The following TMTC1 variants were observed in gnomAD, a reference collection of about 807,000 sequenced individuals.
The protein encoded by TMTC1 is protein O-mannosyl-transferase TMTC1.
A neutral mutation model predicts 104.8 loss-of-function variants in TMTC1; 73 were observed. That is an observed-to-expected ratio of 0.70 (90% confidence interval 0.58 to 0.85). The LOEUF is 0.85. TMTC1 is among the 40% of genes least tolerant of loss of function. The pLI, the probability that TMTC1 is intolerant of heterozygous loss-of-function variation, is 0.00. For synonymous variants in TMTC1, 434 were observed against 428.7 expected, an observed-to-expected ratio of 1.01 and a Z score of -0.15; for missense variants, 1,035 against 1,096.1, an observed-to-expected ratio of 0.94 and a Z score of 0.79.
intron 10 of TMTC1, among the ~76,000 whole-genome samples, chr12:29,537,492 T>C (rs531835273): frequency 2.4e-4 from 36 of 152,310 alleles, no homozygotes; most frequent in African/African-American, 8.2e-4. Flanking sequence ...TCATACCATA[T>C]CTGCTGATTC....
chr12:29,513,175 C>T (rs900029950), intron 16 of TMTC1, among the ~76,000 whole-genome samples: 2 of 152,112 alleles, frequency 1.3e-5, no homozygotes, highest in Non-Finnish European at 2.9e-5. Context: ...CAAGATATGA[C>T]CTTTAAGCCT....
intron 5 of TMTC1, among the ~76,000 whole-genome samples, chr12:29,668,304 A>G (rs2136669704): frequency 6.6e-6 from 1 of 152,274 alleles, no homozygotes; most frequent in South Asian, 2.1e-4. Flanking sequence ...GCAGAAAAGC[A>G]AGAGACATAA....
At chr12:29,741,835 C>T (rs973294175) in intron 5 of TMTC1, among the ~76,000 whole-genome samples, 6 of 152,148 alleles carry the variant, frequency 3.9e-5, no homozygotes, top group South Asian at 2.1e-4. Context: ...CACCCAATTT[C>T]GACTTATCTG....
chr12:29,652,579 CAG>C (rs1781561737), intron 5 of TMTC1, among the ~76,000 whole-genome samples: 1 of 152,212 alleles, frequency 6.6e-6, no homozygotes, highest in Non-Finnish European at 1.5e-5. Context: ...CCTATGACAG[CAG>C]AGTCAATCAT....
intron 5 of TMTC1, among the ~76,000 whole-genome samples, chr12:29,680,852 C>G (rs1727057394): frequency 6.6e-6 from 1 of 152,148 alleles, no homozygotes; most frequent in Non-Finnish European, 1.5e-5. Flanking sequence ...GATCCCAGCA[C>G]TTTGGGAGGC....
At chr12:29,663,400 G>A (rs996466786) in intron 5 of TMTC1, among the ~76,000 whole-genome samples, 2 of 152,132 alleles carry the variant, frequency 1.3e-5, no homozygotes, top group African/African-American at 2.4e-5. Flanking sequence ...TTCTGGAAAC[G>A]TCCTTCCTCA....
At chr12:29,676,201 C>T (rs564089071) in intron 5 of TMTC1, among the ~76,000 whole-genome samples, 10 of 152,286 alleles carry the variant, frequency 6.6e-5, no homozygotes, top group South Asian at 2.1e-4. Flanking sequence ...TACACTGCTA[C>T]GTGTGTCAGA....
intron 5 of TMTC1, among the ~76,000 whole-genome samples, chr12:29,736,204 A>G (rs1942668514): frequency 6.6e-6 from 1 of 151,516 alleles, no homozygotes; most frequent in African/African-American, 2.4e-5. Flanking sequence ...AATGGGACCA[A>G]AGGCTATGTT....
Position 29,686,560 on chromosome 12 carries a change from C to T in TMTC1, c.939-53224G>A, listed in dbSNP as rs563743594. 9.9e-5 allele frequency among the ~76,000 whole-genome samples: 15 copies of T among 152,250 alleles called. 1 individual carries two copies. Among genetic ancestry groups the T allele is most frequent in the African/African-American group, 3.6e-4 (15 of 41,546 alleles). On this transcript the variant is annotated intron_variant, in intron 5 of 17. Transcript: ENST00000539277. ...GAGCTGATGCTGGGAAGAGATGCAT[C>T]CAGCCTGGCTCCCTGAGCCAGTAGG... is the stretch of plus-strand genomic sequence containing the variant.
At chr12:29,544,961 G>C (rs947275812) in intron 10 of TMTC1, among the ~76,000 whole-genome samples, 3 of 152,138 alleles carry the variant, frequency 2.0e-5, no homozygotes, top group African/African-American at 7.2e-5. Flanking sequence ...AGAGAAATGT[G>C]CTTATTATTA....
intron 6 of TMTC1, among the ~76,000 whole-genome samples, chr12:29,627,651 T>C (rs964025997): frequency 6.9e-5 from 10 of 145,482 alleles, no homozygotes; most frequent in Admixed American, 1.4e-4. Flanking sequence ...AAGAAACTTG[T>C]ACACAAATAT....
At chr12:29,704,132 A>G (rs1941677088) in intron 5 of TMTC1, among the ~76,000 whole-genome samples, 2 of 152,226 alleles carry the variant, frequency 1.3e-5, no homozygotes, top group South Asian at 2.1e-4. Context: ...GGTACCTGAT[A>G]TGAACTAAAA....
intron 6 of TMTC1, among the ~76,000 whole-genome samples, chr12:29,625,267 A>T (rs1937918343): frequency 1.3e-5 from 2 of 152,212 alleles, no homozygotes; most frequent in Admixed American, 1.3e-4. Context: ...CAAAGCCCTT[A>T]CCATCATGTC....
intron 11 of TMTC1, among the ~76,000 whole-genome samples, chr12:29,521,296 TGAAG>T (rs1235152482): frequency 6.6e-6 from 1 of 152,198 alleles, no homozygotes; most frequent in Non-Finnish European, 1.5e-5. Context: ...TTTCATTACT[TGAAG>T]TATGTCTACA....
At chr12:29,606,023 T>C (rs1215803624) in intron 6 of TMTC1, among the ~76,000 whole-genome samples, 4 of 152,230 alleles carry the variant, frequency 2.6e-5, no homozygotes. Context: ...GCCTCCATGT[T>C]GCAGCAAAAG....
At chr12:29,608,422 C>G (rs983217458) in intron 6 of TMTC1, among the ~76,000 whole-genome samples, 1 of 152,198 alleles carries the variant, frequency 6.6e-6, no homozygotes, top group Non-Finnish European at 1.5e-5. Context: ...TGGAAATTCA[C>G]TTATTCCCAA....
rs71045821 is a variant in TMTC1, at chr12:29,616,669, CAAAAAA to C, written c.1129-12376_1129-12371del. Among the ~76,000 whole-genome samples the C allele has an allele frequency of 2.6e-4, 21 of 79,816 alleles. 1 individual carries two copies. In the Admixed American group the frequency reaches 2.9e-3, roughly 11 times the overall value. The allele number at this position is 79,816 out of a possible 152,430, so 52.4% of individuals were successfully genotyped here. On this transcript the variant is annotated intron_variant, in intron 6 of 17. Transcript: ENST00000539277. ...GGGCAACAAGAGCAAAACTTGGTCT[CAAAAAA>C]AAAAAAAAAAAAAAACATTTTCTGC...
intron 10 of TMTC1, among the ~76,000 whole-genome samples, chr12:29,544,311 C>T (rs1359042041): frequency 1.3e-5 from 2 of 152,038 alleles, no homozygotes; most frequent in African/African-American, 4.8e-5. Context: ...TGGCACTGGC[C>T]TAACAGTTAA....
At chr12:29,508,488 C>G (rs1943749113) in intron 17 of TMTC1, among the ~76,000 whole-genome samples, 1 of 152,190 alleles carries the variant, frequency 6.6e-6, no homozygotes, top group Admixed American at 6.5e-5. Flanking sequence ...AGTGAAGTGC[C>G]TTGGGATCTT....
Sources: gnomAD v4.1 joint callset for allele counts (sites outside exome capture counted in the v4.1 genomes callset) on GRCh38, gnomAD v4.1.1 for gene constraint, MANE v1.5 for transcripts, NCBI Gene and HGNC (gene_info 2026-07-23, HGNC 2026-07-21) for gene names.